TMEM268: variants seen among roughly 807,000 people sequenced by gnomAD.
TMEM268 encodes the protein transmembrane protein 268, also known as transmembrane protein C9orf91.
A neutral mutation model predicts 39.1 loss-of-function variants in TMEM268; 24 were observed. The ratio of observed to expected loss-of-function variants is 0.61; its 90% CI spans 0.44 to 0.86. The LOEUF (loss-of-function observed/expected upper bound fraction) is 0.86. Among genes scored for constraint, TMEM268 ranks in the 40% least tolerant of loss-of-function variants. TMEM268 has a pLI of 0.00. For missense variants in TMEM268, 409 were observed against 428.6 expected, an observed-to-expected ratio of 0.95 and a Z score of 0.40; for synonymous variants, 176 against 173.5, an observed-to-expected ratio of 1.01 and a Z score of -0.12.
chr9:114,637,855 C>G (rs765087541), intron 7 of TMEM268, among the ~76,000 whole-genome samples: 4 of 152,126 alleles, frequency 2.6e-5, no homozygotes, highest in African/African-American at 4.8e-5. Flanking sequence ...CTAGGATTAG[C>G]CTTTTCTGAG....
At chr9:114,614,892 C>CTTTT (rs57020988) in intron 1 of TMEM268, among the ~76,000 whole-genome samples, 1 of 129,206 alleles carries the variant, frequency 7.7e-6, no homozygotes, top group Admixed American at 8.1e-5. Flanking sequence ...GTGTCACTGC[C>CTTTT]TTTTTTTTTT....
rs1045676724 is a variant in TMEM268, at chr9:114,611,494, A to C, written c.-149A>C. 1 of 162,186 alleles carries C rather than the reference A, an allele frequency of 6.2e-6. No individual in the cohort carries two copies. The allele number at this position is 162,186 out of a possible 1,614,324, so 10.0% of individuals were successfully genotyped here. A position where few individuals can be genotyped will look rare whatever the true frequency, so the allele number is the denominator to read the frequency against. ...GGCTGCGGTGCCCAGAGGCTGCGGC[A>C]TTAGGGGCTCGGCGCCCCCGACCTT... On this transcript the variant is annotated 5_prime_UTR_variant, in exon 1 of 9. Coordinates refer to ENST00000288502, the MANE Select transcript of TMEM268 (RefSeq NM_153045.4).
intron 3 of TMEM268, among the ~76,000 whole-genome samples, chr9:114,625,645 G>A (rs945981023): frequency 2.0e-5 from 3 of 151,762 alleles, no homozygotes; most frequent in African/African-American, 7.3e-5. Flanking sequence ...GTTTCACCAT[G>A]TTGGCCAGGC....
intron 5 of TMEM268, among the ~76,000 whole-genome samples, chr9:114,631,986 A>G (rs1329307939): frequency 6.6e-6 from 1 of 151,764 alleles, no homozygotes. Flanking sequence ...GTGTGGTCCC[A>G]GCTGCTTGGG....
chr9:114,626,092 G>T (rs745708977), intron 3 of TMEM268, among the ~76,000 whole-genome samples: 7 of 151,800 alleles, frequency 4.6e-5, no homozygotes, highest in Admixed American at 3.9e-4. Context: ...CCCAAAGTGC[G>T]GGGATTACAG....
Position 114,624,261 on chromosome 9 carries a change from A to G in TMEM268, c.107-89A>G, listed in dbSNP as rs760470789. 48 of 1,528,574 alleles carry G rather than the reference A, an allele frequency of 3.1e-5. No individual in the cohort carries two copies. In the African/African-American group the frequency reaches 6.4e-4, roughly 20 times the overall value. The allele number at this position is 1,528,574 out of a possible 1,614,324, so 94.7% of individuals were successfully genotyped here. A position where few individuals can be genotyped will look rare whatever the true frequency, so the allele number is the denominator to read the frequency against. ...TTGTTGCGAGGAGGTTCTCATGGCC[A>G]GAGGTGTGATGCCGCCAGGCTTCGG... On this transcript the variant is annotated intron_variant, in intron 2 of 8. Coordinates refer to ENST00000288502, the MANE Select transcript of TMEM268 (RefSeq NM_153045.4).
At chr9:114,620,991 A>G (rs1845924916) in intron 2 of TMEM268, among the ~76,000 whole-genome samples, 1 of 152,168 alleles carries the variant, frequency 6.6e-6, no homozygotes, top group South Asian at 2.1e-4. Context: ...GGTGGAATTT[A>G]GAATTCTGTG....
intron 1 of TMEM268, among the ~76,000 whole-genome samples, chr9:114,613,212 G>A (rs1180106878): frequency 6.6e-6 from 1 of 152,204 alleles, no homozygotes; most frequent in Non-Finnish European, 1.5e-5. Flanking sequence ...TTAGTACTTT[G>A]TGAGAGGCTG....
chr9:114,617,352 T>C, intron 2 of TMEM268, 51 bp downstream of exon 2: 1 of 1,398,688 alleles, frequency 7.1e-7, no homozygotes, highest in Non-Finnish European at 1.0e-6. Context: ...CATGCTGAAC[T>C]GGACTCACAG....
intron 8 of TMEM268, among the ~76,000 whole-genome samples, chr9:114,639,238 C>A (rs1282869031): frequency 6.6e-6 from 1 of 152,074 alleles, no homozygotes; most frequent in Non-Finnish European, 1.5e-5. Context: ...CAGGTTCAAG[C>A]AATCCTCCCA....
chr9:114,633,346 G>A (rs907626187), intron 5 of TMEM268, among the ~76,000 whole-genome samples: 3 of 152,088 alleles, frequency 2.0e-5, no homozygotes, highest in Admixed American at 2.0e-4. Context: ...ATTATTAGTA[G>A]AGAAGGGGTT....
chr9:114,620,017 C>T (rs1845883340), intron 2 of TMEM268, among the ~76,000 whole-genome samples: 1 of 151,950 alleles, frequency 6.6e-6, no homozygotes, highest in African/African-American at 2.4e-5. Context: ...AGTTTGAGAC[C>T]ATCCCGGCCA....
rs1401798193 is a variant in TMEM268 at position 114,636,959 on chromosome 9, C to T, written c.586-31C>T. ...AGTTCAGGGTTGGGCTGCCCTTGAG[C>T]CACGGTGGTCACTGCTGCTTCTCCC... On this transcript the variant is annotated intron_variant, in intron 6 of 8. Coordinates refer to ENST00000288502, the MANE Select transcript of TMEM268 (RefSeq NM_153045.4). 6 of 1,527,582 alleles carry T rather than the reference C, an allele frequency of 3.9e-6. No homozygotes were observed. In the African/African-American group the frequency reaches 8.2e-5, roughly 21 times the overall value. 94.6% of individuals were successfully genotyped at this position (1,527,582 alleles called of 1,614,324 possible).
In TMEM268 at chr9:114,643,699, A is replaced by T. The variant is rs146459344; in HGVS notation, c.*386A>T. The T allele has an allele frequency of 9.4e-4, 158 of 168,372 alleles. No homozygotes were observed. The highest frequency in any genetic ancestry group is 1.5e-3 in the Non-Finnish European group (119 of 78,312). 10.4% of individuals were successfully genotyped at this position (168,372 alleles called of 1,614,324 possible). On this transcript the variant is annotated 3_prime_UTR_variant, in exon 9 of 9. Coordinates refer to ENST00000288502, the MANE Select transcript of TMEM268 (RefSeq NM_153045.4). ...TTATGTGTCCAAAACTTGGCCTCAG[A>T]TGATGTTTCCATCTCCAACCCCTTC...
In TMEM268 at chr9:114,645,912, C is replaced by T. The variant is rs1337254760; in HGVS notation, c.*2599C>T. ...CTTTACAGGGTTGCTGTGAAGATCGCATACTACACACAGGAATGCTCATCA... is the reference window on the plus strand; with the variant it reads ...CTTTACAGGGTTGCTGTGAAGATCGTATACTACACACAGGAATGCTCATCA... On this transcript the variant is annotated 3_prime_UTR_variant, in exon 9 of 9. Coordinates refer to ENST00000288502, the MANE Select transcript of TMEM268 (RefSeq NM_153045.4). 6.6e-6 allele frequency: 1 copy of T among 152,170 alleles called. No individual in the cohort carries two copies. Among genetic ancestry groups the T allele is most frequent in the African/African-American group, 2.4e-5 (1 of 41,440 alleles). 9.4% of individuals were successfully genotyped at this position (152,170 alleles called of 1,614,324 possible).
upstream of TMEM268, chr9:114,611,188 C>T (rs536227676): frequency 7.9e-5 from 12 of 152,422 alleles, no homozygotes; most frequent in Admixed American, 2.6e-4. Context: ...GTAAGCCGCT[C>T]CTTTACAGTG....
chr9:114,622,134 G>A (rs1845971411), intron 2 of TMEM268: 1 of 985,284 alleles, frequency 1.0e-6, no homozygotes, highest in Non-Finnish European at 1.2e-6. Context: ...GGGGAGCAGG[G>A]AGAGAGAGGG....
intron 8 of TMEM268, among the ~76,000 whole-genome samples, chr9:114,639,459 A>G (rs1008119684): frequency 2.6e-5 from 4 of 152,116 alleles, no homozygotes; most frequent in Non-Finnish European, 5.9e-5. Flanking sequence ...GGGTCCTGCC[A>G]TCCACACTGT....
At chr9:114,615,536 C>T (rs1845669913) in intron 1 of TMEM268, 1 of 152,598 alleles carries the variant, frequency 6.6e-6, no homozygotes, top group Non-Finnish European at 1.5e-5. Flanking sequence ...TGTGAACACA[C>T]AATTGAGATA....
Sources: gnomAD v4.1 joint callset for allele counts (sites outside exome capture counted in the v4.1 genomes callset) on GRCh38, gnomAD v4.1.1 for gene constraint, MANE v1.5 for transcripts, NCBI Gene and HGNC (gene_info 2026-07-23, HGNC 2026-07-21) for gene names.